The following VIL1 variants were observed in gnomAD, a reference collection of about 807,000 sequenced individuals.
The protein encoded by VIL1 is villin-1.
VIL1 carries 86 observed loss-of-function variants against 104.0 expected under a neutral mutation model. That is an observed-to-expected ratio of 0.83 (90% CI 0.69 to 0.99). The LOEUF (loss-of-function observed/expected upper bound fraction) is 0.99. VIL1 is among the 50% of genes least tolerant of loss of function. The pLI is 0.00. For synonymous variants in VIL1, 394 were observed against 412.6 expected (o/e 0.95, Z 0.55); for missense variants, 944 against 1,054.1 (o/e 0.90, Z 1.45).
At position 218,437,217 on chromosome 2, in the gene VIL1, C is replaced by T. The variant is rs370604646; in HGVS notation, c.2065C>T (p.Arg689Cys). The part of the protein sequence containing the change: ...QEYLKTHPSG[R>C]DPETPIIVVK... Reference sequence around the variant, plus strand: ...ATACCTCAAGACCCATCCCAGCGGGCGTGACCCTGAGACCCCCATCATTGT... The same window carrying T: ...ATACCTCAAGACCCATCCCAGCGGGTGTGACCCTGAGACCCCCATCATTGT... The change falls in exon 17 of 20, where the codon CGT becomes TGT. Residue 689 changes from arginine to cysteine, a missense_variant. Physicochemically the swap from Arg to Cys is radical, Grantham distance 180. Transcript: ENST00000248444. 6.8e-6 allele frequency: 11 copies of T among 1,614,104 alleles called. No individual in the cohort carries two copies. The highest frequency in any genetic ancestry group is 2.7e-5 in the African/African-American group (2 of 74,940).
At chr2:218,424,481 C>A in intron 3 of VIL1, 130 bp downstream of exon 3, 1 of 921,484 alleles carries the variant, frequency 1.1e-6, no homozygotes, top group Non-Finnish European at 1.7e-6. Flanking sequence ...CTGGGTATGC[C>A]CAAGTGCCCA....
At chr2:218,431,810 G>A (rs1435156943) in intron 10 of VIL1, 47 bp from the exon 11 acceptor site, 1 of 1,526,988 alleles carries the variant, frequency 6.5e-7, no homozygotes, top group Non-Finnish European at 9.0e-7. Context: ...GAGGACCTGG[G>A]AGACCTCAGC....
At chr2:218,420,971 C>G (rs866804076) in intron 1 of VIL1, among the ~76,000 whole-genome samples, 1 of 152,072 alleles carries the variant, frequency 6.6e-6, no homozygotes, top group South Asian at 2.1e-4. Flanking sequence ...TCAGGGACCT[C>G]CAACTTACAA....
Position 218,434,742 on chromosome 2 carries a change from T to C in VIL1, c.1680+37T>C, listed in dbSNP as rs115586876. 124 of 1,570,316 alleles carry C rather than the reference T, an allele frequency of 7.9e-5. 1 individual carries two copies. In the African/African-American group the frequency reaches 1.4e-3, roughly 18 times the overall value. On this transcript the variant is annotated intron_variant, in intron 14 of 19. Coordinates refer to ENST00000248444, the MANE Select transcript of VIL1 (RefSeq NM_007127.3). ...GTCTAGAGGCCTCCCCATCCGCAAG[T>C]GGGTCCTGGGAGTCCCCCAGTTTCG...
Position 218,451,558 on chromosome 2 carries a change from G to A in VIL1, c.*2222G>A, listed in dbSNP as rs1320826469. On this transcript the variant is annotated 3_prime_UTR_variant, in exon 20 of 20. Coordinates refer to ENST00000248444, the MANE Select transcript of VIL1 (RefSeq NM_007127.3). Reference sequence around the variant, plus strand: ...TTTTTTCTCTTTAATTTAGGTGTTTGCAGATAATTTTCATTATATCCGTAG... The same window carrying A: ...TTTTTTCTCTTTAATTTAGGTGTTTACAGATAATTTTCATTATATCCGTAG... 3 of 95,152 alleles carry A rather than the reference G, an allele frequency of 3.2e-5. No individual in the cohort carries two copies. The highest frequency in any genetic ancestry group is 6.2e-5 in the Non-Finnish European group (3 of 48,494). The allele number at this position is 95,152 out of a possible 1,614,324, so 5.9% of individuals were successfully genotyped here. A position where few individuals can be genotyped will look rare whatever the true frequency, so the allele number is the denominator to read the frequency against.
At chr2:218,447,210 G>A (rs78738375) in intron 19 of VIL1, among the ~76,000 whole-genome samples, 6,206 of 152,232 alleles carry the variant, frequency 0.041, 165 homozygotes, top group East Asian at 0.12. Context: ...TACTTCCCTT[G>A]CAGGCAGTCT....
intron 17 of VIL1, among the ~76,000 whole-genome samples, chr2:218,437,703 G>A (rs1235557060): frequency 6.6e-6 from 1 of 152,226 alleles, no homozygotes; most frequent in Non-Finnish European, 1.5e-5. Context: ...CAGCAACATG[G>A]TGGATCCTCC....
intron 9 of VIL1, 118 bp downstream of exon 9, chr2:218,430,065 C>G: frequency 1.1e-6 from 1 of 922,672 alleles, no homozygotes; most frequent in Admixed American, 2.4e-5. Flanking sequence ...CAGGCAGAGG[C>G]AGGGAAGGCT....
chr2:218,426,104 G>A (rs1357061136), intron 4 of VIL1, among the ~76,000 whole-genome samples: 3 of 152,044 alleles, frequency 2.0e-5, no homozygotes, highest in Admixed American at 2.0e-4. Flanking sequence ...TATAACTCTC[G>A]TGAATCTCTG....
chr2:218,452,219 T>C lies in VIL1; in HGVS notation c.*2883T>C, dbSNP rs1689504538. 1 of 152,104 alleles carries C rather than the reference T, an allele frequency of 6.6e-6. No individual in the cohort carries two copies. Among genetic ancestry groups the C allele is most frequent in the African/African-American group, 2.4e-5 (1 of 41,420 alleles). 9.4% of individuals were successfully genotyped at this position (152,104 alleles called of 1,614,324 possible). A position where few individuals can be genotyped will look rare whatever the true frequency, so the allele number is the denominator to read the frequency against. ...TCATTTAAAGTAATGTAACCACACA[T>C]TTGGTATTTTCAATAGGAAGGTTAA... On this transcript the variant is annotated 3_prime_UTR_variant, in exon 20 of 20. Transcript: ENST00000248444.
Position 218,440,846 on chromosome 2 carries a change from A to G in VIL1, c.2354A>G (p.Asp785Gly), listed in dbSNP as rs751129166. 1 of 1,614,014 alleles carries G rather than the reference A, an allele frequency of 6.2e-7. No homozygotes were observed. ...GTAGAGGAGCTCCCCGAGGGTGTGG[A>G]CCCCAGCAGGAAGGAGGTAGGTCAG... Reference protein sequence around the residue: ...KPVEELPEGVDPSRKEEHLSI... With the variant: ...KPVEELPEGVGPSRKEEHLSI... Residue 785 changes from aspartate to glycine, a missense_variant, in exon 19 of 20, where the codon GAC (aspartate) becomes GGC (glycine). Physicochemically the swap from Asp to Gly is moderately conservative, Grantham distance 94. Transcript: ENST00000248444.
Position 218,453,280 on chromosome 2 carries a change from T to G in VIL1, c.*3944T>G, listed in dbSNP as rs1224479189. On this transcript the variant is annotated 3_prime_UTR_variant, in exon 20 of 20. Transcript: ENST00000248444. ...TTGTTTTTGTTTTCGTTTTTTTTAA[T>G]GAGATGGAGTCTCACTCTGTCACTC... 1 of 151,974 alleles carries G rather than the reference T, an allele frequency of 6.6e-6. No individual in the cohort carries two copies. Among genetic ancestry groups the G allele is most frequent in the African/African-American group, 2.4e-5 (1 of 41,366 alleles). The allele number at this position is 151,974 out of a possible 1,614,324, so 9.4% of individuals were successfully genotyped here.
In VIL1 at chr2:218,428,310, G is replaced by A. The variant is rs375941888; in HGVS notation, c.540G>A (p.Pro180=). Residue 180 remains proline (P), a synonymous_variant, in exon 6 of 20, where the codon CCG becomes CCA. Transcript: ENST00000248444. ...LGKLIIQWNG[P]ESTRMERLRG... Reference sequence around the variant, plus strand: ...AGCTTATCATCCAGTGGAATGGACCGGAAAGCACCCGTATGGAGAGACTCA... The same window carrying A: ...AGCTTATCATCCAGTGGAATGGACCAGAAAGCACCCGTATGGAGAGACTCA... 8.7e-6 allele frequency: 14 copies of A among 1,614,008 alleles called. No homozygotes were observed. Among genetic ancestry groups the A allele is most frequent in the Admixed American group, 5.0e-5 (3 of 59,990 alleles).
chr2:218,438,131 T>C (rs1223149601), intron 17 of VIL1, among the ~76,000 whole-genome samples: 1 of 152,096 alleles, frequency 6.6e-6, no homozygotes, highest in Non-Finnish European at 1.5e-5. Flanking sequence ...TTCCCTCACC[T>C]CAAGTGTGTG....
intron 13 of VIL1, 49 bp downstream of exon 13, chr2:218,433,000 A>G (rs1202761138): frequency 1.6e-5 from 26 of 1,609,550 alleles, no homozygotes; most frequent in Non-Finnish European, 2.1e-5. Context: ...GTGGCAAGAC[A>G]GGCATCCGGG....
At chr2:218,427,868 C>G in intron 4 of VIL1, 97 bp from the exon 5 acceptor site, 1 of 1,159,672 alleles carries the variant, frequency 8.6e-7, no homozygotes, top group Non-Finnish European at 1.3e-6. Flanking sequence ...CACCCTGGCC[C>G]TCACGTGACC....
intron 10 of VIL1, chr2:218,431,186 A>G (rs901053247): frequency 2.0e-6 from 1 of 506,340 alleles, no homozygotes; most frequent in East Asian, 3.3e-5. Context: ...CTCTACTGAA[A>G]AAAAGAACTA....
In VIL1 at chr2:218,428,284, A is replaced by G. The variant is rs761578370; in HGVS notation, c.514A>G (p.Lys172Glu). 6.2e-7 allele frequency: 1 copy of G among 1,614,134 alleles called. No homozygotes were observed. ...RGDVFLLDLG[K>E]LIIQWNGPES... ...GGATGTTTTCCTCCTGGACCTTGGG[A>G]AGCTTATCATCCAGTGGAATGGACC... Residue 172 changes from lysine to glutamate, a missense_variant, in exon 6 of 20, where the codon AAG becomes GAG. Coordinates refer to ENST00000248444, the MANE Select transcript of VIL1 (RefSeq NM_007127.3).
chr2:218,427,902 G>A lies in VIL1; in HGVS notation c.348-63G>A. On this transcript the variant is annotated intron_variant, in intron 4 of 19. Coordinates refer to ENST00000248444, the MANE Select transcript of VIL1 (RefSeq NM_007127.3). ...CCCCAGCGTGGCAGCCAGGACCTGG[G>A]AGAACAGGGGCCAGGCACACCTCCC... 6 of 1,515,038 alleles carry A rather than the reference G, an allele frequency of 4.0e-6. No homozygotes were observed. In the South Asian group the frequency reaches 6.8e-5, roughly 17 times the overall value. 93.8% of individuals were successfully genotyped at this position (1,515,038 alleles called of 1,614,324 possible).
Sources: allele counts gnomAD v4.1 joint callset (sites outside exome capture counted in the v4.1 genomes callset), GRCh38; gene constraint gnomAD v4.1.1; transcripts MANE v1.5; gene names NCBI Gene and HGNC (gene_info 2026-07-23, HGNC 2026-07-21).